Variants in KCNMA1 observed in about 807,000 individuals in gnomAD.
The protein encoded by KCNMA1 is potassium calcium-activated channel subfamily M alpha 1.
KCNMA1 carries 29 observed loss-of-function variants against 140.0 expected under a neutral mutation model. The ratio of observed to expected loss-of-function variants is 0.21; its 90% CI spans 0.15 to 0.28. The LOEUF is 0.28. Ranked by LOEUF, KCNMA1 falls within the 10% of genes least tolerant of loss-of-function variation. The probability of loss-of-function intolerance (pLI) is 1.00; values close to 1 mark genes in which losing one functional copy is unlikely to be tolerated. For synonymous variants in KCNMA1, 612 were observed against 611.9 expected (o/e 1.00, Z 0.00); for missense variants, 880 against 1,602.2 (o/e 0.55, Z 7.70).
intron 3 of KCNMA1, among the ~76,000 whole-genome samples, chr10:77,219,912 A>G (rs944012614): frequency 1.3e-5 from 2 of 152,196 alleles, no homozygotes; most frequent in African/African-American, 4.8e-5. Context: ...GCCCAGTGGC[A>G]TTGTTTTCTA....
chr10:77,293,747 G>C (rs1024677037), intron 2 of KCNMA1, among the ~76,000 whole-genome samples: 8 of 152,218 alleles, frequency 5.3e-5, no homozygotes, highest in African/African-American at 1.9e-4. Flanking sequence ...TGTCCTCAAA[G>C]TGACAAATGT....
chr10:77,323,808 G>C, intron 2 of KCNMA1, among the ~76,000 whole-genome samples: 1 of 152,230 alleles, frequency 6.6e-6, no homozygotes, highest in Non-Finnish European at 1.5e-5. Context: ...CTGCCATAGA[G>C]GGAGGGACCT....
At chr10:77,337,425 C>T (rs1279094932) in intron 2 of KCNMA1, among the ~76,000 whole-genome samples, 2 of 152,160 alleles carry the variant, frequency 1.3e-5, no homozygotes, top group Non-Finnish European at 2.9e-5. Context: ...TCCAGACCTG[C>T]ATGGGCAACA....
At chr10:76,876,956 G>C (rs2032502672), downstream of KCNMA1, 1 of 152,524 alleles carries the variant, frequency 6.6e-6, no homozygotes, top group African/African-American at 2.4e-5. Context: ...GTGTGCATCT[G>C]GTCCTCAGCT....
intron 1 of KCNMA1, among the ~76,000 whole-genome samples, chr10:77,407,738 G>A (rs535908909): frequency 1.3e-5 from 2 of 152,278 alleles, no homozygotes; most frequent in Admixed American, 1.3e-4. Flanking sequence ...CCTCATTAAG[G>A]TGGTGGGGAA....
chr10:76,907,655 C>T (rs2048348419), intron 25 of KCNMA1, among the ~76,000 whole-genome samples: 1 of 152,174 alleles, frequency 6.6e-6, no homozygotes, highest in Non-Finnish European at 1.5e-5. Flanking sequence ...TCTCAGGCCT[C>T]AGCCTCCCAA....
intron 14 of KCNMA1, among the ~76,000 whole-genome samples, chr10:77,060,928 G>T (rs2095718452): frequency 6.6e-6 from 1 of 152,046 alleles, no homozygotes; most frequent in African/African-American, 2.4e-5. Context: ...CTCCTCTAGA[G>T]CCCCCAGAAG....
intron 6 of KCNMA1, among the ~76,000 whole-genome samples, chr10:77,119,093 G>A (rs928132947): frequency 8.5e-5 from 13 of 152,156 alleles, no homozygotes; most frequent in Admixed American, 5.2e-4. Context: ...TCTCTCCCTC[G>A]TCCCCTGGCT....
chr10:77,233,192 G>T (rs1014881545), intron 3 of KCNMA1, among the ~76,000 whole-genome samples: 3 of 152,116 alleles, frequency 2.0e-5, no homozygotes, highest in Non-Finnish European at 4.4e-5. Context: ...ATAAAAACTG[G>T]ATGTATTTCT....
chr10:77,354,237 C>T (rs2154393268), intron 2 of KCNMA1, among the ~76,000 whole-genome samples: 1 of 152,310 alleles, frequency 6.6e-6, no homozygotes, highest in Admixed American at 6.5e-5. Flanking sequence ...TCGTGATCTG[C>T]CTGCCTCAGC....
intron 23 of KCNMA1, among the ~76,000 whole-genome samples, chr10:76,926,996 T>C (rs2057903560): frequency 6.6e-6 from 1 of 152,168 alleles, no homozygotes; most frequent in Non-Finnish European, 1.5e-5. Context: ...TTTGCTGCTA[T>C]GCGATCACAG....
chr10:77,612,463 T>C (rs1285733972), intron 1 of KCNMA1, among the ~76,000 whole-genome samples: 1 of 152,202 alleles, frequency 6.6e-6, no homozygotes, highest in Non-Finnish European at 1.5e-5. Flanking sequence ...CTCTCCCTTC[T>C]GGTGGAAACT....
intron 2 of KCNMA1, among the ~76,000 whole-genome samples, chr10:77,290,461 C>T (rs1007072554): frequency 2.0e-5 from 3 of 152,328 alleles, no homozygotes; most frequent in Admixed American, 6.5e-5. Flanking sequence ...CCCACCACTC[C>T]TTCCCGTGAG....
intron 1 of KCNMA1, among the ~76,000 whole-genome samples, chr10:77,476,174 C>G (rs546504583): frequency 6.6e-6 from 1 of 152,264 alleles, no homozygotes; most frequent in East Asian, 1.9e-4. Flanking sequence ...GCTCAGAGGA[C>G]TGGAATTAGA....
At chr10:77,058,086 A>G (rs1270178418) in intron 14 of KCNMA1, among the ~76,000 whole-genome samples, 2 of 151,980 alleles carry the variant, frequency 1.3e-5, no homozygotes, top group Non-Finnish European at 2.9e-5. Flanking sequence ...ACTTTTTTCC[A>G]TGAAAACACC....
intron 9 of KCNMA1, among the ~76,000 whole-genome samples, chr10:77,093,323 G>A (rs1315939814): frequency 6.6e-6 from 1 of 152,160 alleles, no homozygotes; most frequent in African/African-American, 2.4e-5. Context: ...AGAGTTATTA[G>A]GTACATTATC....
Position 77,108,163 on chromosome 10 carries a change from G to T in KCNMA1, c.1223+318C>A. On this transcript the variant is annotated intron_variant, in intron 9 of 27. Transcript: ENST00000286628. The surrounding 1 kb of genome is among the most constrained non-coding windows in gnomAD (Gnocchi z 4.6). Reference sequence around the variant, plus strand: ...CACCTCTGACATCACACCCCATGCAGAAACTGGGCCTTCCCTCACAGAAGC... The same window carrying T: ...CACCTCTGACATCACACCCCATGCATAAACTGGGCCTTCCCTCACAGAAGC... The T allele has an allele frequency of 1.3e-6, 1 of 767,188 alleles. No homozygotes were observed. The highest frequency in any genetic ancestry group is 2.0e-6 in the Non-Finnish European group (1 of 491,272). 47.5% of individuals were successfully genotyped at this position (767,188 alleles called of 1,614,324 possible).
intron 1 of KCNMA1, among the ~76,000 whole-genome samples, chr10:77,419,390 CG>C (rs1211025769): frequency 6.6e-6 from 1 of 152,040 alleles, no homozygotes; most frequent in Non-Finnish European, 1.5e-5. Context: ...GGAGCAGATC[CG>C]GAAGAAAGGT....
chr10:77,290,252 T>C lies in KCNMA1; in HGVS notation c.541-38996A>G, dbSNP rs146547413. On this transcript the variant is annotated intron_variant, in intron 2 of 27. Coordinates refer to ENST00000286628, the MANE Select transcript of KCNMA1 (RefSeq NM_001161352.2). ...TTTCTTCATATTTCTTCCAAATTGG[T>C]TCATATTTAGAGCACTATTGATTAT... Among the ~76,000 whole-genome samples, 401 of 152,336 alleles carry C rather than the reference T, an allele frequency of 2.6e-3. 1 individual carries two copies. The highest frequency in any genetic ancestry group is 9.1e-3 in the African/African-American group (378 of 41,578).
Sources: allele counts gnomAD v4.1 joint callset (sites outside exome capture counted in the v4.1 genomes callset), GRCh38; gene constraint gnomAD v4.1.1; non-coding constraint Gnocchi (gnomAD v3.1); transcripts MANE v1.5; gene names NCBI Gene and HGNC (gene_info 2026-07-23, HGNC 2026-07-21).